The following BRAP variants were observed in gnomAD, a reference collection of about 807,000 sequenced individuals.
BRAP encodes the protein BRCA1-associated protein.
BRAP carries 42 observed loss-of-function variants against 73.4 expected under a neutral mutation model. The observed-to-expected ratio is 0.57, with a 90% CI of 0.45 to 0.74. BRAP has a LOEUF of 0.74. Among genes scored for constraint, BRAP ranks in the 30% least tolerant of loss-of-function variants. The probability of loss-of-function intolerance (pLI) is 0.00; values close to 1 mark genes in which losing one functional copy is unlikely to be tolerated. For synonymous variants in BRAP, 255 were observed against 267.4 expected, an observed-to-expected ratio of 0.95 and a Z score of 0.45; for missense variants, 593 against 751.4, an observed-to-expected ratio of 0.79 and a Z score of 2.46.
intron 9 of BRAP, among the ~76,000 whole-genome samples, chr12:111,657,930 T>G (rs965013957): frequency 6.6e-6 from 1 of 151,662 alleles, no homozygotes; most frequent in African/African-American, 2.4e-5. Context: ...CAAGGCACAG[T>G]GAAACTTAGA....
In BRAP at chr12:111,660,732, A is replaced by G. The variant is rs7965252; in HGVS notation, c.897-57T>C. 5.4e-3 allele frequency: 7,966 copies of G among 1,485,890 alleles called. 337 individuals are homozygous for G. The African/African-American group carries it at 0.093, about 17-fold the overall frequency. The allele number at this position is 1,485,890 out of a possible 1,614,324, so 92.0% of individuals were successfully genotyped here. A position where few individuals can be genotyped will look rare whatever the true frequency, so the allele number is the denominator to read the frequency against. ...GTTAAATATAAAAGACAGCTGTTAC[A>G]GAACCCAAAAGTCAAACACTGGATT... On this transcript the variant is annotated intron_variant, in intron 6 of 11. Coordinates refer to ENST00000419234, the MANE Select transcript of BRAP (RefSeq NM_006768.5).
intron 2 of BRAP, among the ~76,000 whole-genome samples, chr12:111,682,497 C>CAAAAAAAAAAAAAAAAAAAA (rs11366915): frequency 1.3e-5 from 1 of 77,902 alleles, no homozygotes; most frequent in Non-Finnish European, 2.4e-5. Context: ...GAGACTGTCT[C>CAAAAAAAAAAAAAAAAAAAA]AAAAAAAAAA....
Position 111,644,368 on chromosome 12 carries a change from A to G in BRAP, c.1610T>C (p.Met537Thr). The G allele has an allele frequency of 6.2e-7, 1 of 1,612,648 alleles. No homozygotes were observed. Among genetic ancestry groups the G allele is most frequent in the Non-Finnish European group, 8.5e-7 (1 of 1,179,768 alleles). Reference protein sequence around the residue: ...TEIQEQLRDVMFYLETQQKIN... With the variant: ...TEIQEQLRDVTFYLETQQKIN... ...CTTCTGCTGTGTCTCCAGGTAGAAC[A>G]TGACGTCACGCAGCTGCTCCTGGAT... is the stretch of plus-strand genomic sequence containing the variant. Residue 537 changes from methionine to threonine, a missense_variant, in exon 12 of 12, where the codon ATG (methionine) becomes ACG (threonine). By Grantham distance (81) the Met-to-Thr change is moderately conservative. Coordinates refer to ENST00000419234, the MANE Select transcript of BRAP (RefSeq NM_006768.5).
intron 2 of BRAP, among the ~76,000 whole-genome samples, chr12:111,682,194 G>A (rs1008709851): frequency 6.6e-6 from 1 of 152,156 alleles, no homozygotes; most frequent in Admixed American, 6.5e-5. Context: ...TGTTGGAGAT[G>A]TAGTACTATC....
rs1592991318 is a variant in BRAP, at chr12:111,672,760, A to C, written c.648T>G (p.Ser216Arg). ...IKFRAQADAD[S>R]FYMTCNGRQF... ...GGCGGCCATTGCATGTCATATAAAA[A>C]CTATCCGCATCAGCCTATGTACACC... is the stretch of plus-strand genomic sequence containing the variant. Residue 216 changes from serine to arginine, a missense_variant, in exon 5 of 12, where the codon AGT becomes AGG. Coordinates refer to ENST00000419234, the MANE Select transcript of BRAP (RefSeq NM_006768.5). 1 of 1,614,010 alleles carries C rather than the reference A, an allele frequency of 6.2e-7. No homozygotes were observed. Among genetic ancestry groups the C allele is most frequent in the Non-Finnish European group, 8.5e-7 (1 of 1,179,988 alleles).
chr12:111,645,080 A>T (rs1052684188), intron 11 of BRAP, among the ~76,000 whole-genome samples: 2 of 133,798 alleles, frequency 1.5e-5, no homozygotes, highest in Non-Finnish European at 3.2e-5. Flanking sequence ...TTATTTATTT[A>T]TTTTTTGAGA....
At chr12:111,652,749 T>C (rs2135899023) in intron 10 of BRAP, among the ~76,000 whole-genome samples, 1 of 151,394 alleles carries the variant, frequency 6.6e-6, no homozygotes, top group East Asian at 2.0e-4. Context: ...CTCGCTCTGT[T>C]GCCCAGGCTG....
In BRAP at chr12:111,665,888, G is replaced by A. The variant is rs1336693109; in HGVS notation, c.748-101C>T. 4.1e-6 allele frequency: 6 copies of A among 1,480,158 alleles called. No individual in the cohort carries two copies. Among genetic ancestry groups the A allele is most frequent in the East Asian group, 4.7e-5 (2 of 42,778 alleles). The allele number at this position is 1,480,158 out of a possible 1,614,324, so 91.7% of individuals were successfully genotyped here. ...CAGGGTCTCGCTCTCTGTCACCCAC[G>A]CTGGAGCCCAGTGGCGCAATCATGG... On this transcript the variant is annotated intron_variant, in intron 5 of 11. Coordinates refer to ENST00000419234, the MANE Select transcript of BRAP (RefSeq NM_006768.5). The surrounding 1 kb of genome is among the most constrained non-coding windows in gnomAD (Gnocchi z 4.3).
chr12:111,667,721 AG>A (rs1887007873), intron 5 of BRAP, among the ~76,000 whole-genome samples: 1 of 139,654 alleles, frequency 7.2e-6, no homozygotes, highest in Non-Finnish European at 1.5e-5. Flanking sequence ...AAAAAAAAAA[AG>A]CTCATACACA....
In BRAP at chr12:111,660,600, T is replaced by C. The variant is rs563062179; in HGVS notation, c.972A>G (p.Glu324=). The change falls in exon 7 of 12, where the codon GAA becomes GAG. Residue 324 remains glutamate, a splice_region_variant and synonymous_variant. Coordinates refer to ENST00000419234, the MANE Select transcript of BRAP (RefSeq NM_006768.5). ...ENKCFECGVQ[E]NLWICLICGH... is the part of the protein sequence containing the mutation. ...TTCTTTTCCATCACCCATTACTTAC[T>C]TCCTGAACACCACACTCAAAACACT... The C allele has an allele frequency of 5.6e-6, 9 of 1,601,968 alleles. No homozygotes were observed. The highest frequency in any genetic ancestry group is 1.7e-5 in the Admixed American group (1 of 58,030).
chr12:111,681,790 G>C lies in BRAP; in HGVS notation c.290C>G (p.Ser97Cys). Residue 97 changes from serine to cysteine, a missense_variant, in exon 3 of 12, where the codon TCC (serine) becomes TGC (cysteine). Ser to Cys is a moderately radical substitution (Grantham distance 112). Transcript: ENST00000419234. Reference protein sequence around the residue: ...TVEERKSSEASPTAQRSKDHS... With the variant: ...TVEERKSSEACPTAQRSKDHS... ...ATCTTTACTTCTTTGCGCAGTGGGG[G>C]AGGCTTCTGAAGACTTCCTTTCTTC... 6.2e-7 allele frequency: 1 copy of C among 1,613,554 alleles called. No individual in the cohort carries two copies. Among genetic ancestry groups the C allele is most frequent in the East Asian group, 2.2e-5 (1 of 44,874 alleles).
At chr12:111,652,530 T>G (rs1886367540) in intron 10 of BRAP, among the ~76,000 whole-genome samples, 1 of 152,056 alleles carries the variant, frequency 6.6e-6, no homozygotes, top group Non-Finnish European at 1.5e-5. Flanking sequence ...GCCAGAAAGG[T>G]TCTTAATATT....
intron 9 of BRAP, among the ~76,000 whole-genome samples, chr12:111,657,962 A>G (rs977668723): frequency 6.6e-6 from 1 of 150,936 alleles, no homozygotes; most frequent in African/African-American, 2.4e-5. Flanking sequence ...TTTTTGAGAC[A>G]GGGTCTTGCT....
intron 6 of BRAP, among the ~76,000 whole-genome samples, chr12:111,662,038 T>C (rs1886775347): frequency 6.6e-6 from 1 of 152,200 alleles, no homozygotes; most frequent in South Asian, 2.1e-4. Flanking sequence ...GTGAACATCA[T>C]GTGGAAGATA....
At chr12:111,670,840 C>T (rs567583837) in intron 5 of BRAP, among the ~76,000 whole-genome samples, 4 of 152,150 alleles carry the variant, frequency 2.6e-5, no homozygotes, top group Admixed American at 6.5e-5. Context: ...TGGCTCATGC[C>T]TGTAATCCTA....
intron 5 of BRAP, among the ~76,000 whole-genome samples, chr12:111,667,193 T>C (rs796905310): frequency 1.2e-4 from 18 of 152,310 alleles, no homozygotes; most frequent in African/African-American, 4.3e-4. Flanking sequence ...GGGCTCATTC[T>C]AAACTTAAAT....
chr12:111,679,330 A>C lies in BRAP; in HGVS notation c.454T>G (p.Ser152Ala), dbSNP rs1274275696. 8 of 1,537,336 alleles carry C rather than the reference A, an allele frequency of 5.2e-6. No homozygotes were observed. In the East Asian group the frequency reaches 1.4e-4, roughly 26 times the overall value. ...CTGCGCCGCACATCTTCTTTTAAGG[A>C]GGTCATCTTACTAACAAAAAAAAAA... The part of the protein sequence containing the change: ...MHLYKTNKMT[S>A]LKEDVRRSAM... Residue 152 changes from serine (S) to alanine (A), a missense_variant, in exon 4 of 12, where the codon TCC becomes GCC. This residue lies in a region of BRAP where 304 missense variants were observed against 337.7 expected (regional missense o/e 0.90). Transcript: ENST00000419234.
chr12:111,669,414 C>T (rs1337449367), intron 5 of BRAP, among the ~76,000 whole-genome samples: 14 of 151,764 alleles, frequency 9.2e-5, no homozygotes, highest in African/African-American at 2.9e-4. Context: ...TTAGTAGAGA[C>T]GGGGTTTCTT....
intron 4 of BRAP, among the ~76,000 whole-genome samples, chr12:111,674,000 T>C (rs1887279225): frequency 1.3e-5 from 2 of 152,174 alleles, no homozygotes; most frequent in Non-Finnish European, 2.9e-5. Flanking sequence ...CGGGCATTAA[T>C]CCAAACACAG....
Sources: gnomAD v4.1 joint callset for allele counts (sites outside exome capture counted in the v4.1 genomes callset) on GRCh38, gnomAD v4.1.1 for gene constraint, gnomAD v4.1.1 regional missense constraint, Gnocchi (gnomAD v3.1) non-coding constraint, MANE v1.5 for transcripts, NCBI Gene and HGNC (gene_info 2026-07-23, HGNC 2026-07-21) for gene names.